The following GGT1 variants were observed in gnomAD, a reference collection of about 807,000 sequenced individuals.
GGT1 encodes the protein glutathione hydrolase 1 proenzyme.
A neutral mutation model predicts 56.0 loss-of-function variants in GGT1; 21 were observed. That is an observed-to-expected ratio of 0.38 (90% confidence interval 0.27 to 0.54). The LOEUF (loss-of-function observed/expected upper bound fraction) is 0.54, where lower values mean the gene tolerates loss of function less well. Ranked by LOEUF, GGT1 falls within the 20% of genes least tolerant of loss-of-function variation. The pLI, the probability that GGT1 is intolerant of heterozygous loss-of-function variation, is 0.82. For missense variants in GGT1, 466 were observed against 787.0 expected (o/e 0.59, Z 4.88); for synonymous variants, 238 against 342.6 (o/e 0.69, Z 3.37).
chr22:24,613,425 T>C (rs922233690), intron 5 of GGT1, among the ~76,000 whole-genome samples: 15 of 152,184 alleles, frequency 9.9e-5, no homozygotes, highest in Admixed American at 8.5e-4. Flanking sequence ...TTGTCCCAGT[T>C]ATAAAAGTCA....
chr22:24,619,740 G>A (rs1191850199), intron 7 of GGT1, among the ~76,000 whole-genome samples: 4 of 151,678 alleles, frequency 2.6e-5, no homozygotes, highest in Admixed American at 6.6e-5. Flanking sequence ...GCTTGACCTC[G>A]GTCAAGGTGG....
chr22:24,599,075 G>A (rs2045741063), upstream of GGT1: 1 of 152,186 alleles, frequency 6.6e-6, no homozygotes, highest in Non-Finnish European at 1.5e-5. Context: ...AGGTGGCTAG[G>A]TGGATTCAGT....
intron 11 of GGT1, among the ~76,000 whole-genome samples, chr22:24,625,107 C>T (rs1317324739): frequency 6.6e-6 from 1 of 152,238 alleles, no homozygotes; most frequent in Non-Finnish European, 1.5e-5. Context: ...TCTCCACCCA[C>T]ATCTATTGGG....
chr22:24,588,420 G>T, the GGT1 span: 1 of 1,006,396 alleles, frequency 9.9e-7, no homozygotes, highest in Non-Finnish European at 1.5e-6. Flanking sequence ...CCAAGTGTGT[G>T]TGTGAGCACA....
At chr22:24,607,332 G>A (rs982550038) in intron 1 of GGT1, among the ~76,000 whole-genome samples, 3 of 152,082 alleles carry the variant, frequency 2.0e-5, no homozygotes, top group African/African-American at 4.8e-5. Context: ...CTACTCCACC[G>A]CCTCCAGAGC....
chr22:24,605,772 A>ATGTGTATTATATATTATATAATATATG, intron 1 of GGT1, among the ~76,000 whole-genome samples: 1 of 51,868 alleles, frequency 1.9e-5, no homozygotes, highest in African/African-American at 1.7e-4. Context: ...AATATTATAT[A>ATGTGTATTATATATTATATAATATATG]ATGTGTATTA....
At chr22:24,617,102 G>A (rs1180222609) in intron 7 of GGT1, among the ~76,000 whole-genome samples, 2 of 152,164 alleles carry the variant, frequency 1.3e-5, no homozygotes, top group East Asian at 1.9e-4. Flanking sequence ...GGTGTGTTAC[G>A]GGCTGTAGAA....
chr22:24,628,253 T>G lies in GGT1; in HGVS notation c.1450-22T>G. ...ACCCTGCACAGCCCCCAAGCCATGC[T>G]GATCACACTCCCATGCCCCAGGCCA... On this transcript the variant is annotated intron_variant, in intron 14 of 15. Transcript: ENST00000400382. This position sits in a 1 kb window ranked among gnomAD's most constrained non-coding sequence, Gnocchi z 5.7. 2 of 1,612,008 alleles carry G rather than the reference T, an allele frequency of 1.2e-6. No homozygotes were observed. The highest frequency in any genetic ancestry group is 1.7e-6 in the Non-Finnish European group (2 of 1,179,850).
chr22:24,589,289 G>A, the GGT1 span: 1 of 1,233,206 alleles, frequency 8.1e-7, no homozygotes, highest in South Asian at 1.4e-5. Context: ...GCTGCAGGTG[G>A]CAAACTCCAC....
intron 7 of GGT1, among the ~76,000 whole-genome samples, chr22:24,616,862 T>A (rs552704848): frequency 1.3e-5 from 2 of 152,290 alleles, no homozygotes; most frequent in African/African-American, 2.4e-5. Flanking sequence ...CATTTTTTTT[T>A]AATACTCATT....
chr22:24,588,243 G>A, the GGT1 span: 2 of 1,613,328 alleles, frequency 1.2e-6, no homozygotes, highest in Admixed American at 3.3e-5. Context: ...GGCGCAGGCT[G>A]GACCCTTGCT....
chr22:24,606,553 C>A (rs1251375080), intron 1 of GGT1, among the ~76,000 whole-genome samples: 1 of 152,176 alleles, frequency 6.6e-6, no homozygotes, highest in African/African-American at 2.4e-5. Context: ...CCTTCAGGGA[C>A]AGGTCATGGG....
chr22:24,611,823 C>T (rs1569055302), intron 5 of GGT1, among the ~76,000 whole-genome samples: 1 of 114,822 alleles, frequency 8.7e-6, no homozygotes, highest in Non-Finnish European at 1.9e-5. Context: ...GTGTGTGTTT[C>T]CAAGACAGAG....
In GGT1 at chr22:24,620,927, G is replaced by A. The variant is rs187334067; in HGVS notation, c.590G>A (p.Arg197Gln). Residue 197 changes from arginine to glutamine, a missense_variant, in exon 9 of 16, where the codon CGG (arginine) becomes CAG (glutamine). Physicochemically the swap from Arg to Gln is conservative, Grantham distance 43. Around this residue, in one of 2 missense-constraint regions of GGT1, gnomAD observed 456 missense variants for 716.7 expected, o/e 0.64. Transcript: ENST00000400382. The surrounding 1 kb of genome is among the most constrained non-coding windows in gnomAD (Gnocchi z 5.6). ...CTCTGCCCCAGTGAGGTGTTCTGCC[G>A]GGATAGAAAGGTGCTTCGGGAGGGG... ...QQPVLCEVFC[R>Q]DRKVLREGER... The A allele has an allele frequency of 7.4e-6, 12 of 1,611,968 alleles. No homozygotes were observed. The highest frequency in any genetic ancestry group is 4.0e-5 in the African/African-American group (3 of 74,962).
At chr22:24,614,754 G>A (rs1389524913) in intron 5 of GGT1, 22 bp from the exon 6 acceptor site, 2 of 1,612,854 alleles carry the variant, frequency 1.2e-6, no homozygotes, top group Non-Finnish European at 1.7e-6. Context: ...AGGTTCTCAT[G>A]CCTTTATGTG....
chr22:24,589,818 C>T (rs1285186318), upstream of GGT1: 3 of 1,611,470 alleles, frequency 1.9e-6, no homozygotes, highest in Non-Finnish European at 2.5e-6. Context: ...CTGCCAGCCT[C>T]ACCTTCTTGG....
intron 1 of GGT1, among the ~76,000 whole-genome samples, chr22:24,596,986 A>AT (rs199837761): frequency 0.038 from 4,983 of 129,796 alleles, 320 homozygotes; most frequent in African/African-American, 0.13. Context: ...TTTAATTTTA[A>AT]TTTTTTTTTT....
chr22:24,611,335 C>T, intron 5 of GGT1, 90 bp downstream of exon 5: 1 of 820,818 alleles, frequency 1.2e-6, no homozygotes, highest in Non-Finnish European at 2.1e-6. Flanking sequence ...TCAGTTTCCC[C>T]ATGTGTAAGC....
rs1339184570 is a variant in GGT1 at position 24,614,797 on chromosome 22, C to T, written c.186C>T (p.Gly62=). The T allele has an allele frequency of 4.3e-6, 7 of 1,613,626 alleles. No homozygotes were observed. Among genetic ancestry groups the T allele is most frequent in the Non-Finnish European group, 5.9e-6 (7 of 1,179,752 alleles). Residue 62 remains glycine, a synonymous_variant, in exon 6 of 16, where the codon GGC becomes GGT. Transcript: ENST00000400382. ...KIGRDALRDG[G]SAVDAAIAAL... ...GCAGGGATGCACTGCGGGACGGTGG[C>T]TCTGCGGTGGATGCAGCCATTGCAG...
Sources: gnomAD v4.1 joint callset for allele counts (sites outside exome capture counted in the v4.1 genomes callset) on GRCh38, gnomAD v4.1.1 for gene constraint, gnomAD v4.1.1 regional missense constraint, Gnocchi (gnomAD v3.1) non-coding constraint, MANE v1.5 for transcripts, NCBI Gene and HGNC (gene_info 2026-07-23, HGNC 2026-07-21) for gene names.